The following KMT2C variants were observed in gnomAD, a reference collection of about 807,000 sequenced individuals.
KMT2C encodes lysine methyltransferase 2C.
A neutral mutation model predicts 507.9 loss-of-function variants in KMT2C; 88 were observed. The ratio of observed to expected loss-of-function variants is 0.17; its 90% CI spans 0.15 to 0.21. KMT2C has a LOEUF of 0.21. Among genes scored for constraint, KMT2C ranks in the 10% least tolerant of loss-of-function variants. The pLI, the probability that KMT2C is intolerant of heterozygous loss-of-function variation, is 1.00. For synonymous variants in KMT2C, 2,049 were observed against 2,080.8 expected, an observed-to-expected ratio of 0.98 and a Z score of 0.42; for missense variants, 4,954 against 5,957.8, an observed-to-expected ratio of 0.83 and a Z score of 5.55.
intron 43 of KMT2C, among the ~76,000 whole-genome samples, chr7:152,160,774 A>C (rs2092407154): frequency 6.6e-6 from 1 of 151,676 alleles, no homozygotes; most frequent in South Asian, 2.1e-4. Context: ...ATGCCATTAA[A>C]CATTCTTACA....
At chr7:152,211,381 G>A (rs1348811423) in intron 23 of KMT2C, among the ~76,000 whole-genome samples, 2 of 152,012 alleles carry the variant, frequency 1.3e-5, no homozygotes, top group African/African-American at 4.8e-5. Context: ...CCAAATAGAG[G>A]GAAAAAATAA....
rs1199969408 is a variant in KMT2C, at chr7:152,180,877, G to A, written c.6983C>T (p.Pro2328Leu). Residue 2328 changes from proline to leucine, a missense_variant, in exon 36 of 59, where the codon CCT becomes CTT. Transcript: ENST00000262189. The stretch of plus-strand genomic sequence containing the variant: ...TGCACAGAAGCTCCCCTCTGATCCA[G>A]GCCTTGGCTGATCAGCAACATCATG... ...TAHDVADQPR[P>L]GSEGSFCASS... 1 of 1,614,184 alleles carries A rather than the reference G, an allele frequency of 6.2e-7. No individual in the cohort carries two copies. Among genetic ancestry groups the A allele is most frequent in the Admixed American group, 1.7e-5 (1 of 60,026 alleles).
chr7:152,215,439 A>G lies in KMT2C; in HGVS notation c.3712+5084T>C, dbSNP rs1312821724. 7.6e-5 allele frequency among the ~76,000 whole-genome samples: 11 copies of G among 143,832 alleles called. No homozygotes were observed. In the Admixed American group the frequency reaches 8.0e-4, roughly 10 times the overall value. 94.4% of individuals were successfully genotyped at this position (143,832 alleles called of 152,430 possible). On this transcript the variant is annotated intron_variant, in intron 23 of 58. Coordinates refer to ENST00000262189, the MANE Select transcript of KMT2C (RefSeq NM_170606.3). ...TGAGGCAGGAGAATGGCGTGAACCC[A>G]GGAGGCGGAGCTTGCAGTGAGCAAA...
chr7:152,192,868 C>T (rs568603336), intron 31 of KMT2C, among the ~76,000 whole-genome samples: 2 of 152,124 alleles, frequency 1.3e-5, no homozygotes, highest in East Asian at 3.9e-4. Context: ...TGTTCCTATG[C>T]TCAAATCATC....
In KMT2C at chr7:152,182,241, A is replaced by G; in HGVS notation, c.5619T>C (p.Thr1873=). 1.2e-6 allele frequency: 2 copies of G among 1,614,028 alleles called. No homozygotes were observed. The highest frequency in any genetic ancestry group is 1.7e-6 in the Non-Finnish European group (2 of 1,179,952). The part of the protein sequence containing the change: ...PIQDSLSQAQ[T]SQPPSPQVFS... ...ACACTTGCGGTGAGGGTGGCTGAGA[A>G]GTCTGAGCCTGAGAAAGACTATCCT... The change falls in exon 36 of 59, where the codon ACT becomes ACC. Residue 1873 remains threonine, a synonymous_variant. Transcript: ENST00000262189.
chr7:152,407,860 GCA>G (rs2097635403), intron 1 of KMT2C, among the ~76,000 whole-genome samples: 1 of 151,740 alleles, frequency 6.6e-6, no homozygotes, highest in African/African-American at 2.4e-5. Context: ...ATTAGAAGCA[GCA>G]ACTATTTATT....
chr7:152,332,891 C>A lies in KMT2C; in HGVS notation c.251-2152G>T, dbSNP rs557139284. On this transcript the variant is annotated intron_variant, in intron 2 of 58. Coordinates refer to ENST00000262189, the MANE Select transcript of KMT2C (RefSeq NM_170606.3). ...ACACACACACACACACACACACACACAAATTATTCTCGTCAACACCACCAA... is the reference window on the plus strand; with the variant it reads ...ACACACACACACACACACACACACAAAAATTATTCTCGTCAACACCACCAA... Among the ~76,000 whole-genome samples, 14 of 149,764 alleles carry A rather than the reference C, an allele frequency of 9.3e-5. No individual in the cohort carries two copies. In the South Asian group the frequency reaches 3.0e-3, roughly 32 times the overall value.
At chr7:152,369,994 C>T (rs992731153) in intron 1 of KMT2C, among the ~76,000 whole-genome samples, 1 of 152,082 alleles carries the variant, frequency 6.6e-6, no homozygotes, top group African/African-American at 2.4e-5. Context: ...GAGATCGAGA[C>T]CATCCTGGCT....
chr7:152,163,443 T>C lies in KMT2C; in HGVS notation c.10134A>G (p.Gly3378=). ...GTVSNANPQS[G]PPPRVEFDDN... ...CATCAAATTCTACCCGAGGTGGTGGTCCACTCTGTGGATTTGCATTTGAGA... is the reference window on the plus strand; with the variant it reads ...CATCAAATTCTACCCGAGGTGGTGGCCCACTCTGTGGATTTGCATTTGAGA... The change falls in exon 43 of 59, where the codon GGA becomes GGG. Residue 3378 remains glycine (G), a synonymous_variant. Transcript: ENST00000262189. 6.2e-7 allele frequency: 1 copy of C among 1,614,188 alleles called. No homozygotes were observed.
At chr7:152,330,535 T>G in intron 3 of KMT2C, 66 bp downstream of exon 3, 1 of 1,477,350 alleles carries the variant, frequency 6.8e-7, no homozygotes, top group Non-Finnish European at 9.4e-7. Context: ...TTGAATTTTC[T>G]CTATAGTCAT....
At chr7:152,277,121 T>G (rs1193085255) in intron 6 of KMT2C, among the ~76,000 whole-genome samples, 2 of 152,218 alleles carry the variant, frequency 1.3e-5, no homozygotes, top group Non-Finnish European at 2.9e-5. Context: ...ACCAAGAAGT[T>G]AAATATTCCA....
rs750719121 is a variant in KMT2C at position 152,251,934 on chromosome 7, T to C, written c.1621+5A>G. On this transcript the variant is annotated splice_donor_5th_base_variant and intron_variant, in intron 11 of 58. Transcript: ENST00000262189. ...AATTTAAAAAAAAATCATTCTCAAA[T>C]TTACCTGTAGTGAGCTCAGCTATCT... 3 of 1,564,392 alleles carry C rather than the reference T, an allele frequency of 1.9e-6. No homozygotes were observed. Among genetic ancestry groups the C allele is most frequent in the Non-Finnish European group, 2.6e-6 (3 of 1,158,194 alleles).
chr7:152,165,432 A>G (rs1411651149), intron 42 of KMT2C, among the ~76,000 whole-genome samples: 2 of 152,260 alleles, frequency 1.3e-5, no homozygotes, highest in Non-Finnish European at 2.9e-5. Flanking sequence ...GTGCTAAAAA[A>G]AATATACTTT....
rs1485896944 is a variant in KMT2C at position 152,181,187 on chromosome 7, G to T, written c.6673C>A (p.Pro2225Thr). The change falls in exon 36 of 59, where the codon CCA (proline) becomes ACA (threonine). Residue 2225 changes from proline (P) to threonine (T), a missense_variant. Around this residue, in one of 29 missense-constraint regions of KMT2C, gnomAD observed 1,689 missense variants for 1,654.3 expected, o/e 1.02. Transcript: ENST00000262189. ...AAACCCTCTGAAATCCTTGGCCTTGGTGTTGCTGGTGGCTGAGAGTAAGGG... is the reference window on the plus strand; with the variant it reads ...AAACCCTCTGAAATCCTTGGCCTTGTTGTTGCTGGTGGCTGAGAGTAAGGG... ...SVPYSQPPAT[P>T]RPRISEGFTR... 1.9e-6 allele frequency: 3 copies of T among 1,614,142 alleles called. No homozygotes were observed. Among genetic ancestry groups the T allele is most frequent in the Non-Finnish European group, 2.5e-6 (3 of 1,180,026 alleles).
intron 3 of KMT2C, among the ~76,000 whole-genome samples, chr7:152,316,267 T>C (rs1040999396): frequency 9.2e-5 from 14 of 152,090 alleles, no homozygotes; most frequent in African/African-American, 3.4e-4. Context: ...CTATGGACTG[T>C]AGTTAAAAAT....
chr7:152,163,933 T>C, intron 42 of KMT2C, 107 bp from the exon 43 acceptor site: 3 of 1,044,410 alleles, frequency 2.9e-6, no homozygotes, highest in Non-Finnish European at 4.3e-6. Context: ...AGTTTGGCCC[T>C]GCAGAAGCAA....
intron 6 of KMT2C, among the ~76,000 whole-genome samples, chr7:152,294,750 AT>A (rs2096473279): frequency 6.6e-6 from 1 of 152,244 alleles, no homozygotes; most frequent in East Asian, 1.9e-4. Flanking sequence ...CTTGAGAGGC[AT>A]TTGAGATTAT....
At chr7:152,267,676 G>A (rs13228198) in intron 7 of KMT2C, among the ~76,000 whole-genome samples, 1 of 151,680 alleles carries the variant, frequency 6.6e-6, no homozygotes, top group Non-Finnish European at 1.5e-5. Context: ...CTGACATCCT[G>A]TCTAAATCAT....
At chr7:152,277,872 G>A (rs2096113782) in intron 6 of KMT2C, among the ~76,000 whole-genome samples, 1 of 152,004 alleles carries the variant, frequency 6.6e-6, no homozygotes, top group Non-Finnish European at 1.5e-5. Flanking sequence ...AATGTAAATA[G>A]GTTAAATTCT....
Sources: allele counts gnomAD v4.1 joint callset (sites outside exome capture counted in the v4.1 genomes callset), GRCh38; gene constraint gnomAD v4.1.1; regional missense constraint gnomAD v4.1.1; transcripts MANE v1.5; gene names NCBI Gene and HGNC (gene_info 2026-07-23, HGNC 2026-07-21).